The following DMD variants were observed in gnomAD, a reference collection of about 807,000 sequenced individuals.
DMD encodes mutant dystrophin.
Under a neutral mutation model 330.1 loss-of-function variants are expected in DMD, and 63 were observed. The ratio of observed to expected loss-of-function variants is 0.19; its 90% CI spans 0.16 to 0.24. The LOEUF (loss-of-function observed/expected upper bound fraction) is 0.24, where lower values mean the gene tolerates loss of function less well. Ranked by LOEUF, DMD falls within the 10% of genes least tolerant of loss-of-function variation. The probability of loss-of-function intolerance (pLI) is 1.00; values close to 1 mark genes in which losing one functional copy is unlikely to be tolerated. For missense variants in DMD, 3,344 were observed against 2,684.1 expected, an observed-to-expected ratio of 1.25 and a Z score of -5.43; for synonymous variants, 1,223 against 959.8, an observed-to-expected ratio of 1.27 and a Z score of -5.07.
At chrX:32,137,612 A>C (rs182988850) in intron 44 of DMD, among the ~76,000 whole-genome samples, 27 of 111,545 alleles carry the variant, frequency 2.4e-4, no homozygotes, top group Non-Finnish European at 4.3e-4. Flanking sequence ...AAATGAAAGT[A>C]TAGTTTTTTT....
Position 31,907,815 on chromosome X carries a change from C to T in DMD, c.6912+21781G>A, listed in dbSNP as rs1044008046. On this transcript the variant is annotated intron_variant, in intron 47 of 78. Transcript: ENST00000357033. ...ATGGGAGAAAATTTTTGCAATCTAC[C>T]CATCTGACAAAGGGCTAATATCGAG... Among the ~76,000 whole-genome samples the T allele has an allele frequency of 7.2e-5, 8 of 111,819 alleles. No individual in the cohort carries two copies. The East Asian group carries it at 1.1e-3, about 16-fold the overall frequency.
chrX:32,941,050 T>C (rs1295048730), intron 2 of DMD, among the ~76,000 whole-genome samples: 3 of 111,308 alleles, frequency 2.7e-5, no homozygotes, highest in Non-Finnish European at 5.7e-5. Context: ...TATGAAAAAA[T>C]GCTGAATAAC....
chrX:31,969,673 T>C (rs190812283), intron 44 of DMD, among the ~76,000 whole-genome samples: 1 of 111,959 alleles, frequency 8.9e-6, no homozygotes, highest in African/African-American at 3.2e-5. Flanking sequence ...TCGTTTCACA[T>C]ACATTTCTTG....
At chrX:32,117,830 T>C (rs997964574) in intron 44 of DMD, among the ~76,000 whole-genome samples, 4 of 111,493 alleles carry the variant, frequency 3.6e-5, no homozygotes, top group Admixed American at 9.5e-5. Context: ...ATCTTCTATA[T>C]GGACCTAGAA....
At position 33,023,658 on chromosome X, in the gene DMD, C is replaced by T. The variant is rs761946398; in HGVS notation, c.32-3458G>A. Among the ~76,000 whole-genome samples, 4 of 111,650 alleles carry T rather than the reference C, an allele frequency of 3.6e-5. No homozygotes were observed. The South Asian group carries it at 1.5e-3, about 42-fold the overall frequency. ...GTCAAAATACTTGTTTACATCCTGGCTCATTTATCTATTGAGCATTTAATA... is the reference window on the plus strand; with the variant it reads ...GTCAAAATACTTGTTTACATCCTGGTTCATTTATCTATTGAGCATTTAATA... On this transcript the variant is annotated intron_variant, in intron 1 of 78. Transcript: ENST00000357033.
intron 7 of DMD, among the ~76,000 whole-genome samples, chrX:32,764,037 T>C (rs886271030): frequency 9.0e-6 from 1 of 111,103 alleles, no homozygotes; most frequent in African/African-American, 3.3e-5. Flanking sequence ...AAAATGTTAC[T>C]AATATATTTC....
intron 18 of DMD, among the ~76,000 whole-genome samples, chrX:32,511,524 GAAAAAAAAAAAAA>G (rs67754841): frequency 1.4e-4 from 7 of 49,797 alleles, no homozygotes; most frequent in Admixed American, 6.4e-4. Flanking sequence ...TCCGTCTCGG[GAAAAAAAAAAAAA>G]AAAAAAAAAA....
intron 1 of DMD, among the ~76,000 whole-genome samples, chrX:33,100,745 A>C (rs1429997782): frequency 1.8e-5 from 2 of 112,242 alleles, no homozygotes; most frequent in Non-Finnish European, 3.8e-5. Context: ...AAATCAATTA[A>C]CTCAGAGTGT....
At chrX:31,214,059 C>CCAATTCCTTGGCTGTGTTGG (rs1556297524) in intron 64 of DMD, among the ~76,000 whole-genome samples, 1 of 109,317 alleles carries the variant, frequency 9.1e-6, no homozygotes, top group African/African-American at 3.3e-5. Context: ...AAAAAAAAAT[C>CCAATTCCTTGGCTGTGTTGG]CAAAAGCTAA....
chrX:31,549,440 C>G (rs2074347569), intron 55 of DMD, among the ~76,000 whole-genome samples: 1 of 111,420 alleles, frequency 9.0e-6, no homozygotes, highest in South Asian at 3.7e-4. Context: ...AAACCTATTC[C>G]CAACATGCAA....
At chrX:31,650,665 A>G (rs1285256267) in intron 54 of DMD, among the ~76,000 whole-genome samples, 1 of 112,249 alleles carries the variant, frequency 8.9e-6, no homozygotes, top group Non-Finnish European at 1.9e-5. Context: ...CTCCTAAATA[A>G]ACAAACAAAT....
chrX:32,297,256 TTTATTTATTTATTTA>T (rs1215384477), intron 42 of DMD, among the ~76,000 whole-genome samples: 3 of 99,761 alleles, frequency 3.0e-5, no homozygotes, highest in African/African-American at 1.1e-4. Flanking sequence ...TATTTATTTA[TTTATTTATTTATTTA>T]TTATTTATTT....
intron 1 of DMD, among the ~76,000 whole-genome samples, chrX:33,047,433 T>C (rs1388157486): frequency 8.9e-6 from 1 of 111,802 alleles, no homozygotes; most frequent in Non-Finnish European, 1.9e-5. Flanking sequence ...AGGTCACACA[T>C]TTAAATATGG....
chrX:33,240,201 C>T (rs1489265736), intron 1 of DMD, among the ~76,000 whole-genome samples: 1 of 111,544 alleles, frequency 9.0e-6, no homozygotes, highest in African/African-American at 3.3e-5. Flanking sequence ...TATTATTTAA[C>T]CGTTATCTTC....
At chrX:31,258,629 G>A (rs1008452806) in intron 63 of DMD, among the ~76,000 whole-genome samples, 2 of 111,622 alleles carry the variant, frequency 1.8e-5, no homozygotes, top group Non-Finnish European at 3.8e-5. Context: ...CAATAAATGA[G>A]TTCTAAAATC....
At chrX:33,015,786 C>CA (rs2093790311) in intron 2 of DMD, among the ~76,000 whole-genome samples, 1 of 111,738 alleles carries the variant, frequency 8.9e-6, no homozygotes, top group Non-Finnish European at 1.9e-5. Context: ...AGAAGTATGT[C>CA]ATATCAATTT....
At chrX:33,246,278 C>T (rs1352654195) in intron 1 of DMD, among the ~76,000 whole-genome samples, 2 of 111,813 alleles carry the variant, frequency 1.8e-5, no homozygotes, top group African/African-American at 6.5e-5. Flanking sequence ...ACCTGGGCCT[C>T]CCTGGGGTTG....
chrX:32,979,038 G>T (rs2092632717), intron 2 of DMD, among the ~76,000 whole-genome samples: 1 of 111,928 alleles, frequency 8.9e-6, no homozygotes, highest in Admixed American at 9.5e-5. Flanking sequence ...GCTAAACAAA[G>T]TCTTTATAAT....
intron 61 of DMD, among the ~76,000 whole-genome samples, chrX:31,327,720 C>A (rs1161930889): frequency 2.7e-5 from 3 of 111,996 alleles, no homozygotes; most frequent in Middle Eastern, 4.6e-3. Context: ...TGGGGTTGAA[C>A]AAAAGGCATT....
Sources: gnomAD v4.1 joint callset for allele counts (sites outside exome capture counted in the v4.1 genomes callset) on GRCh38, gnomAD v4.1.1 for gene constraint, MANE v1.5 for transcripts, NCBI Gene and HGNC (gene_info 2026-07-23, HGNC 2026-07-21) for gene names.